Variants in FER1L6 observed in about 807,000 individuals in gnomAD.
The protein encoded by FER1L6 is fer-1 like family member 6, also known as fer-1-like protein 6.
FER1L6 carries 177 observed loss-of-function variants against 219.2 expected under a neutral mutation model. The ratio of observed to expected loss-of-function variants is 0.81; its 90% CI spans 0.71 to 0.91. The LOEUF (loss-of-function observed/expected upper bound fraction) is 0.91, where lower values mean the gene tolerates loss of function less well. Ranked by LOEUF, FER1L6 falls within the 40% of genes least tolerant of loss-of-function variation. The pLI is 0.00. For missense variants in FER1L6, 2,153 were observed against 2,259.9 expected (o/e 0.95, Z 0.96); for synonymous variants, 768 against 824.3 (o/e 0.93, Z 1.17).
intron 1 of FER1L6, among the ~76,000 whole-genome samples, chr8:123,950,625 G>C (rs1814717159): frequency 6.6e-6 from 1 of 152,184 alleles, no homozygotes; most frequent in Non-Finnish European, 1.5e-5. Flanking sequence ...GACTCTTGCA[G>C]GTGAAATATT....
At chr8:123,916,149 A>C (rs766403699) in intron 1 of FER1L6, among the ~76,000 whole-genome samples, 1 of 152,184 alleles carries the variant, frequency 6.6e-6, no homozygotes, top group African/African-American at 2.4e-5. Context: ...CTCTGGTAGA[A>C]GTAAACTCTC....
intron 31 of FER1L6, among the ~76,000 whole-genome samples, chr8:124,075,723 T>C (rs1159303729): frequency 6.6e-6 from 1 of 152,202 alleles, no homozygotes; most frequent in Non-Finnish European, 1.5e-5. Flanking sequence ...ACTACAATGC[T>C]GCAACAGATA....
At chr8:123,919,753 A>T (rs953851430) in intron 1 of FER1L6, among the ~76,000 whole-genome samples, 9 of 152,154 alleles carry the variant, frequency 5.9e-5, no homozygotes, top group African/African-American at 2.2e-4. Context: ...TGTTCTCTCT[A>T]AAGCACAGGG....
chr8:123,957,250 G>T (rs1343997648), intron 2 of FER1L6, among the ~76,000 whole-genome samples: 1 of 152,160 alleles, frequency 6.6e-6, no homozygotes, highest in Non-Finnish European at 1.5e-5. Context: ...TAACACCCAG[G>T]TATTGATAAT....
chr8:124,009,769 A>G (rs910772286), intron 13 of FER1L6, among the ~76,000 whole-genome samples: 33 of 151,532 alleles, frequency 2.2e-4, no homozygotes, highest in Admixed American at 2.2e-3. Context: ...GCGAGGAGCC[A>G]TGTTGTTGTA....
rs181869431 is a variant in FER1L6 at position 123,958,792 on chromosome 8, T to C, written c.76+2718T>C. The stretch of plus-strand genomic sequence containing the variant: ...GAAGAATTCTCTGGGGAGGTAACAT[T>C]TAAGCTACAACCTCAAGGATGAGAG... On this transcript the variant is annotated intron_variant, in intron 2 of 40. Transcript: ENST00000522917. Among the ~76,000 whole-genome samples, 15 of 151,534 alleles carry C rather than the reference T, an allele frequency of 9.9e-5. No homozygotes were observed. The East Asian group carries it at 2.9e-3, about 30-fold the overall frequency.
chr8:124,093,548 C>T (rs1470117561), intron 34 of FER1L6, among the ~76,000 whole-genome samples: 1 of 152,112 alleles, frequency 6.6e-6, no homozygotes, highest in East Asian at 1.9e-4. Context: ...TTAGATAGGA[C>T]ATTAATGATA....
chr8:123,898,332 G>A (rs944380633), intron 1 of FER1L6, among the ~76,000 whole-genome samples: 3 of 151,870 alleles, frequency 2.0e-5, no homozygotes, highest in African/African-American at 7.3e-5. Flanking sequence ...GTGGTATTTG[G>A]TTACATGAGT....
chr8:123,907,607 G>A lies in FER1L6; in HGVS notation c.-7-48385G>A, dbSNP rs72727529. 3.9e-3 allele frequency among the ~76,000 whole-genome samples: 590 copies of A among 151,226 alleles called. 1 individual carries two copies. Among genetic ancestry groups the A allele is most frequent in the Non-Finnish European group, 4.4e-3 (298 of 67,712 alleles). ...AAACCTCCTTCCTATGCTCAGTATC[G>A]AGGAGAAATTGGGATTACTACTCCC... On this transcript the variant is annotated intron_variant, in intron 1 of 40. Transcript: ENST00000522917.
At chr8:123,888,001 A>C (rs1586441594) in intron 1 of FER1L6, among the ~76,000 whole-genome samples, 1 of 152,334 alleles carries the variant, frequency 6.6e-6, no homozygotes, top group Non-Finnish European at 1.5e-5. Context: ...TGACTGTTTC[A>C]AGTTAGACAT....
intron 1 of FER1L6, among the ~76,000 whole-genome samples, chr8:123,905,880 C>T (rs1045846553): frequency 2.0e-5 from 3 of 152,112 alleles, no homozygotes; most frequent in African/African-American, 7.2e-5. Context: ...AAGCAGCAGT[C>T]TTAGGTTTAA....
intron 18 of FER1L6, among the ~76,000 whole-genome samples, chr8:124,026,534 G>A (rs988187357): frequency 2.0e-5 from 3 of 152,090 alleles, no homozygotes; most frequent in African/African-American, 7.2e-5. Flanking sequence ...GGTAAAATCA[G>A]GCCCTACAAA....
chr8:124,061,884 AC>A lies in FER1L6; in HGVS notation c.3181del (p.Leu1061Ter), dbSNP rs761520226. 5.0e-6 allele frequency: 8 copies of A among 1,614,000 alleles called. No individual in the cohort carries two copies. The South Asian group carries it at 8.8e-5, about 18-fold the overall frequency. The part of the protein sequence containing the change: ...LPENELLHPP[L>X]SICVVDWRAF... Reference sequence around the variant, plus strand: ...CTGAGAACGAGCTTCTGCACCCGCCACTGAGCATCTGCGTGGTGGACTGGAG... The same window carrying A: ...CTGAGAACGAGCTTCTGCACCCGCCATGAGCATCTGCGTGGTGGACTGGAG... On this transcript the variant is annotated frameshift_variant, in exon 25 of 41. Coordinates refer to ENST00000522917, the MANE Select transcript of FER1L6 (RefSeq NM_001039112.2). LOFTEE classifies it high-confidence loss of function.
chr8:124,109,920 C>A (rs1350887082), intron 39 of FER1L6, among the ~76,000 whole-genome samples: 5 of 152,200 alleles, frequency 3.3e-5, no homozygotes, highest in African/African-American at 9.6e-5. Flanking sequence ...ACTGAACATA[C>A]AAACAGCAGT....
chr8:124,007,580 C>G (rs1251060836), intron 13 of FER1L6, among the ~76,000 whole-genome samples: 1 of 152,218 alleles, frequency 6.6e-6, no homozygotes, highest in Non-Finnish European at 1.5e-5. Flanking sequence ...TCTGTCATCT[C>G]TCTCACACTG....
At chr8:124,105,293 T>C (rs950824055) in intron 39 of FER1L6, among the ~76,000 whole-genome samples, 47 of 152,036 alleles carry the variant, frequency 3.1e-4, no homozygotes, top group African/African-American at 1.1e-3. Context: ...CTCCCATAAC[T>C]GGCGTGTGAT....
At chr8:124,047,977 CTT>C (rs72031030) in intron 21 of FER1L6, among the ~76,000 whole-genome samples, 1,924 of 152,318 alleles carry the variant, frequency 0.013, 50 homozygotes, top group African/African-American at 0.041. Context: ...TATGTTTACT[CTT>C]TTGTTTCCAG....
intron 1 of FER1L6, chr8:123,924,931 A>G (rs757758080): frequency 7.9e-5 from 12 of 152,194 alleles, no homozygotes; most frequent in Non-Finnish European, 1.5e-4. Flanking sequence ...CCGGTTGTTC[A>G]TGTTTGCTCA....
At chr8:123,924,850 G>C (rs1813505060) in intron 1 of FER1L6, 1 of 152,160 alleles carries the variant, frequency 6.6e-6, no homozygotes, top group Non-Finnish European at 1.5e-5. Context: ...GTTGCGTACT[G>C]TTCACCTCCC....
Sources: allele counts gnomAD v4.1 joint callset (sites outside exome capture counted in the v4.1 genomes callset), GRCh38; gene constraint gnomAD v4.1.1; transcripts MANE v1.5; gene names NCBI Gene and HGNC (gene_info 2026-07-23, HGNC 2026-07-21).